Variants in KHDC1 observed in about 807,000 individuals in gnomAD.
KHDC1 encodes KH domain containing 1, also known as KH homology domain-containing protein 1.
In KHDC1, 21 loss-of-function variants were observed where a neutral mutation model predicts 24.7. The observed-to-expected ratio is 0.85, with a 90% CI of 0.60 to 1.23. KHDC1 has a LOEUF of 1.23. KHDC1 is among the 50% of genes most tolerant of loss of function. The pLI is 0.00. For synonymous variants in KHDC1, 98 were observed against 111.7 expected, an observed-to-expected ratio of 0.88 and a Z score of 0.77; for missense variants, 274 against 298.5, an observed-to-expected ratio of 0.92 and a Z score of 0.61.
chr6:73,266,197 T>A (rs979605769), intron 2 of KHDC1, among the ~76,000 whole-genome samples: 1 of 152,190 alleles, frequency 6.6e-6, no homozygotes, highest in African/African-American at 2.4e-5. Flanking sequence ...TATAGTACCT[T>A]TTGGCCTGAC....
At chr6:73,292,491 T>G (rs1767674396) in intron 1 of KHDC1, 1 of 770,908 alleles carries the variant, frequency 1.3e-6, no homozygotes, top group Non-Finnish European at 2.4e-6. Context: ...GCCTCTGAAA[T>G]CTTAAAGCAG....
In KHDC1 at chr6:73,267,015, C is replaced by T. The variant is rs547811729; in HGVS notation, c.207-24485G>A. Among the ~76,000 whole-genome samples, 4 of 152,224 alleles carry T rather than the reference C, an allele frequency of 2.6e-5. No individual in the cohort carries two copies. In the South Asian group the frequency reaches 8.3e-4, roughly 32 times the overall value. ...CCAGCGTGGGCAACATTGCAAGGCC[C>T]TATCTCAAACAATAAATTATAAGCA... On this transcript the variant is annotated intron_variant, in intron 2 of 4. Coordinates refer to ENST00000370384, the Ensembl canonical transcript of KHDC1.
chr6:73,297,793 A>G (rs1767782907), intron 1 of KHDC1, among the ~76,000 whole-genome samples: 1 of 152,206 alleles, frequency 6.6e-6, no homozygotes, highest in Non-Finnish European at 1.5e-5. Context: ...TACAGCAGAA[A>G]TGACTTCAAC....
At chr6:73,272,426 C>T (rs958024275) in intron 2 of KHDC1, among the ~76,000 whole-genome samples, 14 of 152,014 alleles carry the variant, frequency 9.2e-5, no homozygotes, top group East Asian at 7.9e-4. Flanking sequence ...TGAGCCACCG[C>T]GCCCAGCCCT....
At chr6:73,297,869 T>C (rs958229818) in intron 1 of KHDC1, among the ~76,000 whole-genome samples, 1 of 152,118 alleles carries the variant, frequency 6.6e-6, no homozygotes, top group African/African-American at 2.4e-5. Context: ...GGTTTAATTT[T>C]CCAAATGTTG....
exon 1 of KHDC1, chr6:73,309,756 C>A: frequency 6.5e-7 from 1 of 1,545,580 alleles, no homozygotes; most frequent in East Asian, 2.4e-5. Context: ...CGCTAAGGCA[C>A]GAGTAGTACA....
chr6:73,290,106 C>CAAAAAAAAAA (rs140342387), intron 2 of KHDC1, among the ~76,000 whole-genome samples: 1 of 86,500 alleles, frequency 1.2e-5, no homozygotes, highest in Non-Finnish European at 2.1e-5. Context: ...GACTCCGTCT[C>CAAAAAAAAAA]AAAAAAAAAA....
At chr6:73,292,710 A>G (rs895412188) in intron 1 of KHDC1, 3 of 747,244 alleles carry the variant, frequency 4.0e-6, no homozygotes, top group African/African-American at 1.7e-5. Flanking sequence ...ATTCTTCACT[A>G]TTTGACTACA....
chr6:73,268,284 T>C (rs1254424447), intron 2 of KHDC1: 2 of 153,532 alleles, frequency 1.3e-5, no homozygotes, highest in Non-Finnish European at 2.9e-5. Flanking sequence ...CTGGAGTTTT[T>C]CGTTCCTCCC....
chr6:73,292,061 G>T, intron 1 of KHDC1: 2 of 1,613,838 alleles, frequency 1.2e-6, no homozygotes, highest in Non-Finnish European at 8.5e-7. Context: ...GATATATAAA[G>T]AAAAGGAATT....
exon 1 of KHDC1, chr6:73,309,600 G>A: frequency 1.3e-6 from 2 of 1,546,836 alleles, no homozygotes; most frequent in African/African-American, 2.7e-5. Flanking sequence ...CCGATCAGGA[G>A]CATCGCAAGG....
intron 2 of KHDC1, among the ~76,000 whole-genome samples, chr6:73,265,097 G>A (rs553739309): frequency 3.3e-5 from 5 of 152,164 alleles, no homozygotes; most frequent in Non-Finnish European, 7.3e-5. Flanking sequence ...AAATTTCTAA[G>A]ACCTTTAGGT....
chr6:73,268,725 G>A (rs1477063756), intron 2 of KHDC1: 6 of 152,352 alleles, frequency 3.9e-5, no homozygotes, highest in Non-Finnish European at 7.3e-5. Flanking sequence ...TAGACACAGG[G>A]TGCTGATTGG....
At chr6:73,292,239 A>C in intron 1 of KHDC1, 1 of 1,403,118 alleles carries the variant, frequency 7.1e-7, no homozygotes, top group South Asian at 1.2e-5. Context: ...CTAATTGTGA[A>C]AATGTTTGAA....
intron 1 of KHDC1, chr6:73,309,487 A>C: frequency 1.4e-6 from 2 of 1,441,912 alleles, no homozygotes; most frequent in Non-Finnish European, 1.8e-6. Flanking sequence ...CCGGAAGCGA[A>C]ACTCGCCTTT....
chr6:73,281,067 G>T (rs1401780236), intron 2 of KHDC1, among the ~76,000 whole-genome samples: 1 of 152,002 alleles, frequency 6.6e-6, no homozygotes, highest in Non-Finnish European at 1.5e-5. Flanking sequence ...AAATTAGCCT[G>T]GCATGGTGGT....
intron 2 of KHDC1, among the ~76,000 whole-genome samples, chr6:73,277,859 G>A (rs1767326020): frequency 8.0e-6 from 1 of 125,048 alleles, no homozygotes; most frequent in African/African-American, 3.4e-5. Flanking sequence ...TGGAGATCGT[G>A]TCTCAAAAAA....
intron 1 of KHDC1, among the ~76,000 whole-genome samples, chr6:73,307,631 C>T (rs987920594): frequency 2.6e-5 from 4 of 152,250 alleles, no homozygotes; most frequent in South Asian, 2.1e-4. Context: ...CCGCAAGCAA[C>T]GCCGTCCCTG....
intron 3 of KHDC1, 39 bp downstream of exon 2, chr6:73,242,367 A>G (rs1317626643): frequency 2.5e-6 from 4 of 1,613,578 alleles, no homozygotes; most frequent in Non-Finnish European, 2.5e-6. Flanking sequence ...AACTGAGAAG[A>G]CAAGGATGAA....
Sources: allele counts gnomAD v4.1 joint callset (sites outside exome capture counted in the v4.1 genomes callset), GRCh38; gene constraint gnomAD v4.1.1; transcripts MANE v1.5; gene names NCBI Gene and HGNC (gene_info 2026-07-23, HGNC 2026-07-21).